Variants in ERC1 observed in about 807,000 individuals in gnomAD.
The protein encoded by ERC1 is ELKS/RAB6-interacting/CAST family member 1.
In ERC1, 56 loss-of-function variants were observed where a neutral mutation model predicts 132.0. The observed-to-expected ratio is 0.42, with a 90% CI of 0.34 to 0.53. The LOEUF (loss-of-function observed/expected upper bound fraction) is 0.53. Ranked by LOEUF, ERC1 falls within the 20% of genes least tolerant of loss-of-function variation. The pLI is 0.03. For synonymous variants in ERC1, 478 were observed against 476.1 expected (o/e 1.00, Z -0.05); for missense variants, 1,202 against 1,349.9 (o/e 0.89, Z 1.72).
intron 13 of ERC1, chr12:1,244,461 A>AG (rs1172747437): frequency 2.3e-6 from 1 of 432,176 alleles, no homozygotes; most frequent in African/African-American, 2.0e-5. Flanking sequence ...TAATAATTCT[A>AG]GTATTAAAAT....
At chr12:1,359,880 T>A (rs1237052777) in intron 15 of ERC1, among the ~76,000 whole-genome samples, 2 of 152,236 alleles carry the variant, frequency 1.3e-5, no homozygotes, top group Non-Finnish European at 2.9e-5. Context: ...TAGAGTCTTC[T>A]AACATGGAGA....
intron 8 of ERC1, among the ~76,000 whole-genome samples, chr12:1,175,465 C>CAA (rs57139834): frequency 0.07 from 9,878 of 142,118 alleles, 1,131 homozygotes; most frequent in African/African-American, 0.24. Context: ...GATTCTGTCT[C>CAA]AAAAAAAAAA....
At chr12:1,183,848 T>TA (rs1006726424) in intron 11 of ERC1, among the ~76,000 whole-genome samples, 1 of 151,586 alleles carries the variant, frequency 6.6e-6, no homozygotes, top group East Asian at 1.9e-4. Context: ...CCCCATCTCT[T>TA]AAAAAAAGAA....
At chr12:1,173,022 G>A (rs1377350818) in intron 8 of ERC1, among the ~76,000 whole-genome samples, 1 of 152,076 alleles carries the variant, frequency 6.6e-6, no homozygotes, top group Non-Finnish European at 1.5e-5. Flanking sequence ...CATTTGCAGT[G>A]GTTTGGTACC....
chr12:1,434,908 C>T (rs1474210451), intron 17 of ERC1, among the ~76,000 whole-genome samples: 5 of 152,076 alleles, frequency 3.3e-5, no homozygotes, highest in African/African-American at 7.2e-5. Flanking sequence ...TGGTGATGAC[C>T]GTCAGAGTTT....
chr12:1,331,751 G>A (rs768390614), intron 15 of ERC1, among the ~76,000 whole-genome samples: 10 of 152,112 alleles, frequency 6.6e-5, no homozygotes, highest in East Asian at 1.9e-4. Context: ...CTAGCTCCCC[G>A]AGGCTGCTTT....
intron 17 of ERC1, among the ~76,000 whole-genome samples, chr12:1,431,784 T>C (rs567412659): frequency 6.6e-6 from 1 of 152,246 alleles, no homozygotes; most frequent in Non-Finnish European, 1.5e-5. Context: ...TGGAAAATTA[T>C]AAGAATTTCC....
intron 8 of ERC1, among the ~76,000 whole-genome samples, chr12:1,179,223 G>A (rs1186393605): frequency 6.6e-6 from 1 of 152,056 alleles, no homozygotes; most frequent in East Asian, 1.9e-4. Flanking sequence ...AACTCTAATG[G>A]TTTTCCATGT....
chr12:1,169,539 G>A (rs75560177), intron 8 of ERC1, among the ~76,000 whole-genome samples: 156 of 152,196 alleles, frequency 1.0e-3, no homozygotes, highest in African/African-American at 3.0e-3. Context: ...AAAGAGCACC[G>A]TCTAATAAAC....
intron 7 of ERC1, among the ~76,000 whole-genome samples, chr12:1,126,100 T>G (rs1016791874): frequency 6.6e-6 from 1 of 152,226 alleles, no homozygotes; most frequent in African/African-American, 2.4e-5. Flanking sequence ...AACTGTAGAC[T>G]TAAAATGATT....
chr12:1,128,569 T>G (rs1948438957), intron 7 of ERC1, among the ~76,000 whole-genome samples: 1 of 151,918 alleles, frequency 6.6e-6, no homozygotes, highest in Admixed American at 6.6e-5. Flanking sequence ...GTTTGAATCT[T>G]GGGTCTGCCA....
At chr12:1,296,010 G>GAA (rs77971645) in intron 15 of ERC1, among the ~76,000 whole-genome samples, 14,692 of 90,286 alleles carry the variant, frequency 0.16, 1,095 homozygotes, top group African/African-American at 0.24. Flanking sequence ...TGGTTTAACA[G>GAA]AAAAAAAAAA....
chr12:1,145,725 G>C (rs2154251306), intron 8 of ERC1, among the ~76,000 whole-genome samples: 1 of 152,100 alleles, frequency 6.6e-6, no homozygotes, highest in Non-Finnish European at 1.5e-5. Context: ...TTAAGTCTTT[G>C]AGCCATCTTG....
intron 16 of ERC1, among the ~76,000 whole-genome samples, chr12:1,385,353 G>A (rs1438906179): frequency 6.6e-6 from 1 of 152,052 alleles, no homozygotes; most frequent in East Asian, 1.9e-4. Context: ...TGTGATCACG[G>A]CTCACTGCAA....
At chr12:1,418,627 C>CT (rs1491117228) in intron 17 of ERC1, among the ~76,000 whole-genome samples, 1 of 119,428 alleles carries the variant, frequency 8.4e-6, no homozygotes, top group African/African-American at 4.3e-5. Flanking sequence ...TTCTTTCTTT[C>CT]TTTCTTTCTT....
At chr12:1,348,726 A>G (rs1326733975) in intron 15 of ERC1, among the ~76,000 whole-genome samples, 2 of 152,106 alleles carry the variant, frequency 1.3e-5, no homozygotes, top group Non-Finnish European at 2.9e-5. Flanking sequence ...CTCACAATAT[A>G]ATGCAACAAG....
chr12:1,323,745 A>G (rs1382300873), intron 15 of ERC1, among the ~76,000 whole-genome samples: 1 of 152,222 alleles, frequency 6.6e-6, no homozygotes, highest in Non-Finnish European at 1.5e-5. Flanking sequence ...ACCACACTCC[A>G]AAATAGAAAA....
chr12:1,464,832 T>C (rs2093712756), intron 18 of ERC1, among the ~76,000 whole-genome samples: 2 of 152,072 alleles, frequency 1.3e-5, no homozygotes, highest in South Asian at 4.1e-4. Context: ...AAAAGCCTTT[T>C]TTAATCTAGT....
intron 7 of ERC1, among the ~76,000 whole-genome samples, chr12:1,134,151 G>A (rs1462164385): frequency 6.6e-6 from 1 of 151,808 alleles, no homozygotes; most frequent in Non-Finnish European, 1.5e-5. Flanking sequence ...TTTGTTAGAT[G>A]GTACCAAAAT....
Sources: allele counts gnomAD v4.1 joint callset (sites outside exome capture counted in the v4.1 genomes callset), GRCh38; gene constraint gnomAD v4.1.1; transcripts MANE v1.5; gene names NCBI Gene and HGNC (gene_info 2026-07-23, HGNC 2026-07-21).